The following ADAMTS2 variants were observed in gnomAD, a reference collection of about 807,000 sequenced individuals.
ADAMTS2 encodes ADAM metallopeptidase with thrombospondin type 1 motif 2, also known as A disintegrin and metalloproteinase with thrombospondin motifs 2.
In ADAMTS2, 50 loss-of-function variants were observed where a neutral mutation model predicts 123.0. The ratio of observed to expected loss-of-function variants is 0.41; its 90% CI spans 0.32 to 0.51. The LOEUF (loss-of-function observed/expected upper bound fraction) is 0.51, where lower values mean the gene tolerates loss of function less well. ADAMTS2 is among the 20% of genes least tolerant of loss of function. The pLI, the probability that ADAMTS2 is intolerant of heterozygous loss-of-function variation, is 0.35. For synonymous variants in ADAMTS2, 678 were observed against 695.4 expected, an observed-to-expected ratio of 0.98 and a Z score of 0.39; for missense variants, 1,494 against 1,705.2, an observed-to-expected ratio of 0.88 and a Z score of 2.18.
In ADAMTS2 at chr5:179,185,667, C is replaced by T. The variant is rs377317072; in HGVS notation, c.892-4512G>A. Among the ~76,000 whole-genome samples the T allele has an allele frequency of 1.3e-5, 2 of 151,448 alleles. No homozygotes were observed. The highest frequency in any genetic ancestry group is 6.6e-5 in the Admixed American group (1 of 15,252). ...GGGCATGGAACTCCCTGGGATAGAC[C>T]GTCAGCCTCACATTCTGCTTGGAGG... On this transcript the variant is annotated intron_variant, in intron 4 of 21. Transcript: ENST00000251582. The surrounding 1 kb of genome is among the most constrained non-coding windows in gnomAD (Gnocchi z 5.9).
In ADAMTS2 at chr5:179,114,242, CTTG is replaced by C; in HGVS notation, c.3258_3260del (p.Asn1086del). 1 of 1,614,016 alleles carries C rather than the reference CTTG, an allele frequency of 6.2e-7. No homozygotes were observed. On this transcript the variant is annotated inframe_deletion, in exon 22 of 22. Transcript: ENST00000251582. The stretch of plus-strand genomic sequence containing the variant: ...ACAGGTTACAGGACTTGCAGCACAG[CTTG>C]TTGTAGCCTGGGATGGAGCAATAGC...
chr5:179,237,109 A>G (rs1765546930), intron 3 of ADAMTS2, among the ~76,000 whole-genome samples: 1 of 152,096 alleles, frequency 6.6e-6, no homozygotes, highest in African/African-American at 2.4e-5. Flanking sequence ...AAAAATAAAA[A>G]AAAATATGTT....
Position 179,207,548 on chromosome 5 carries a change from G to A in ADAMTS2, c.856C>T (p.His286Tyr). 1 of 1,608,868 alleles carries A rather than the reference G, an allele frequency of 6.2e-7. No homozygotes were observed. Among genetic ancestry groups the A allele is most frequent in the Non-Finnish European group, 8.5e-7 (1 of 1,177,924 alleles). ...DSVVQFHGKE[H>Y]VQKYLLTLMN... ...AGTGTCAGCAGGTACTTCTGTACGT[G>A]CTCCTTCCCGTGGAACTGCACCACA... Residue 286 changes from histidine (H) to tyrosine (Y), a missense_variant, in exon 4 of 22, where the codon CAC becomes TAC. By Grantham distance (83) the His-to-Tyr change is moderately conservative. Transcript: ENST00000251582.
intron 2 of ADAMTS2, among the ~76,000 whole-genome samples, chr5:179,343,298 G>C (rs934766571): frequency 6.6e-6 from 1 of 152,160 alleles, no homozygotes; most frequent in Non-Finnish European, 1.5e-5. Context: ...CTCAACAGAT[G>C]CTCAACACAC....
intron 2 of ADAMTS2, among the ~76,000 whole-genome samples, chr5:179,281,377 C>T (rs1397895273): frequency 6.6e-6 from 1 of 152,242 alleles, no homozygotes; most frequent in African/African-American, 2.4e-5. Context: ...TGGGCAACCA[C>T]TAATCTACAT....
At chr5:179,333,332 A>G (rs1757527939) in intron 2 of ADAMTS2, among the ~76,000 whole-genome samples, 1 of 152,152 alleles carries the variant, frequency 6.6e-6, no homozygotes, top group Admixed American at 6.5e-5. Flanking sequence ...CCAGGCCCCA[A>G]GTCTGGTCTG....
At chr5:179,143,707 T>C (rs985862363) in intron 10 of ADAMTS2, among the ~76,000 whole-genome samples, 2 of 151,970 alleles carry the variant, frequency 1.3e-5, no homozygotes, top group African/African-American at 4.8e-5. Context: ...TGAGGACAAA[T>C]AGCCATTAAG....
chr5:179,181,166 C>G lies in ADAMTS2; in HGVS notation c.892-11G>C, dbSNP rs1764039870. The G allele has an allele frequency of 3.7e-6, 6 of 1,608,674 alleles. No individual in the cohort carries two copies. Among genetic ancestry groups the G allele is most frequent in the Non-Finnish European group, 5.1e-6 (6 of 1,175,154 alleles). ...GTAGATTTCATTGACCTGAAAGAAA[C>G]AGGGAGGCATCAGCGGGAACCACAG... On this transcript the variant is annotated splice_polypyrimidine_tract_variant and intron_variant, in intron 4 of 21. Coordinates refer to ENST00000251582, the MANE Select transcript of ADAMTS2 (RefSeq NM_014244.5). This position sits in a 1 kb window ranked among gnomAD's most constrained non-coding sequence, Gnocchi z 4.1.
At chr5:179,287,083 G>A (rs576907945) in intron 2 of ADAMTS2, among the ~76,000 whole-genome samples, 37 of 152,286 alleles carry the variant, frequency 2.4e-4, no homozygotes, top group Non-Finnish European at 4.7e-4. Context: ...GCCTCCAGGC[G>A]CCAAGTCCAC....
intron 2 of ADAMTS2, among the ~76,000 whole-genome samples, chr5:179,319,331 C>G (rs1310356661): frequency 1.3e-5 from 2 of 152,212 alleles, no homozygotes; most frequent in Non-Finnish European, 2.9e-5. Context: ...AGACATTACC[C>G]ACACATACAC....
At chr5:179,292,167 C>T (rs538470028) in intron 2 of ADAMTS2, among the ~76,000 whole-genome samples, 11 of 152,038 alleles carry the variant, frequency 7.2e-5, no homozygotes, top group African/African-American at 1.7e-4. Context: ...AAGGGAACAA[C>T]GGAAGCCGGC....
At chr5:179,239,420 T>G (rs1426226096) in intron 3 of ADAMTS2, among the ~76,000 whole-genome samples, 1 of 151,472 alleles carries the variant, frequency 6.6e-6, no homozygotes, top group South Asian at 2.1e-4. Context: ...GAGGGTGGAG[T>G]GCGGAGAGGG....
At chr5:179,315,898 G>A (rs1756976681) in intron 2 of ADAMTS2, among the ~76,000 whole-genome samples, 1 of 152,242 alleles carries the variant, frequency 6.6e-6, no homozygotes, top group Admixed American at 6.5e-5. Context: ...AAAGCTGCGA[G>A]ACGTGGGCAA....
chr5:179,168,075 G>A (rs771378061), intron 5 of ADAMTS2, among the ~76,000 whole-genome samples: 1 of 152,214 alleles, frequency 6.6e-6, no homozygotes, highest in Non-Finnish European at 1.5e-5. Context: ...GGGTTCTGGT[G>A]AGCAGACCAC....
intron 2 of ADAMTS2, among the ~76,000 whole-genome samples, chr5:179,289,451 T>A (rs1038919003): frequency 6.6e-6 from 1 of 152,102 alleles, no homozygotes; most frequent in Middle Eastern, 3.2e-3. Context: ...GTAAACCCCA[T>A]CGGCAACAGC....
At position 179,332,617 on chromosome 5, in the gene ADAMTS2, C is replaced by T. The variant is rs1477635221; in HGVS notation, c.534+11150G>A. Among the ~76,000 whole-genome samples, 1 of 152,040 alleles carries T rather than the reference C, an allele frequency of 6.6e-6. No homozygotes were observed. Among genetic ancestry groups the T allele is most frequent in the Non-Finnish European group, 1.5e-5 (1 of 68,012 alleles). ...CAGTCTGTGACCCAACCTGCATTGC[C>T]CCAGAAGCCCAGACCTCAGCTCAGG... On this transcript the variant is annotated intron_variant, in intron 2 of 21. Coordinates refer to ENST00000251582, the MANE Select transcript of ADAMTS2 (RefSeq NM_014244.5). The surrounding 1 kb of genome is among the most constrained non-coding windows in gnomAD (Gnocchi z 4.2).
chr5:179,197,672 G>A lies in ADAMTS2; in HGVS notation c.891+9841C>T, dbSNP rs527568886. The stretch of plus-strand genomic sequence containing the variant: ...CAGTGAGCTATGATTGCAGCACTAC[G>A]CTCCAGCCTGGGTGACTGAGTGAGA... On this transcript the variant is annotated intron_variant, in intron 4 of 21. Coordinates refer to ENST00000251582, the MANE Select transcript of ADAMTS2 (RefSeq NM_014244.5). The surrounding 1 kb of genome is among the most constrained non-coding windows in gnomAD (Gnocchi z 4.2). Among the ~76,000 whole-genome samples the A allele has an allele frequency of 3.3e-5, 5 of 152,228 alleles. No individual in the cohort carries two copies. In the South Asian group the frequency reaches 6.2e-4, roughly 19 times the overall value.
chr5:179,207,857 G>C, intron 3 of ADAMTS2, 142 bp from the exon 4 acceptor site: 1 of 773,456 alleles, frequency 1.3e-6, no homozygotes, highest in Non-Finnish European at 2.2e-6. Context: ...AGAGGAAAGC[G>C]AGGTGCAGAG....
At chr5:179,157,445 G>A (rs936295570) in intron 6 of ADAMTS2, among the ~76,000 whole-genome samples, 31 of 152,056 alleles carry the variant, frequency 2.0e-4, no homozygotes, top group Non-Finnish European at 4.4e-5. Flanking sequence ...ACCCAGACAT[G>A]GTAGTTTCAG....
Sources: gnomAD v4.1 joint callset for allele counts (sites outside exome capture counted in the v4.1 genomes callset) on GRCh38, gnomAD v4.1.1 for gene constraint, Gnocchi (gnomAD v3.1) non-coding constraint, MANE v1.5 for transcripts, NCBI Gene and HGNC (gene_info 2026-07-23, HGNC 2026-07-21) for gene names.